GPM6B: variants seen among roughly 807,000 people sequenced by gnomAD.
GPM6B encodes the protein glycoprotein M6B.
In GPM6B, 4 loss-of-function variants were observed where a neutral mutation model predicts 27.2. The observed-to-expected ratio is 0.15, with a 90% CI of 0.07 to 0.34. The LOEUF (loss-of-function observed/expected upper bound fraction) is 0.34, where lower values mean the gene tolerates loss of function less well. Ranked by LOEUF, GPM6B falls within the 10% of genes least tolerant of loss-of-function variation. The pLI, the probability that GPM6B is intolerant of heterozygous loss-of-function variation, is 1.00. For missense variants in GPM6B, 183 were observed against 261.9 expected (o/e 0.70, Z 2.08); for synonymous variants, 124 against 103.1 (o/e 1.20, Z -1.23).
intron 1 of GPM6B, among the ~76,000 whole-genome samples, chrX:13,829,849 T>C (rs1274252227): frequency 2.0e-5 from 2 of 101,939 alleles, no homozygotes; most frequent in Admixed American, 1.1e-4. Flanking sequence ...CCAAATTAAA[T>C]CTGTCCTGAA....
chrX:13,776,339 TG>T, intron 6 of GPM6B, 36 bp from the exon 7 acceptor site: 1 of 1,103,721 alleles, frequency 9.1e-7, no homozygotes, highest in Admixed American at 2.2e-5. Flanking sequence ...AAGCATTTGA[TG>T]TTAAATGAAA....
intron 1 of GPM6B, among the ~76,000 whole-genome samples, chrX:13,866,295 G>A (rs184963854): frequency 1.2e-4 from 14 of 112,262 alleles, no homozygotes; most frequent in African/African-American, 2.6e-4. Context: ...CCTGGGAGGC[G>A]GAGGTTGCGG....
intron 1 of GPM6B, among the ~76,000 whole-genome samples, chrX:13,842,811 C>T (rs1268818910): frequency 1.8e-5 from 2 of 111,670 alleles, no homozygotes; most frequent in African/African-American, 6.5e-5. Flanking sequence ...GCATATTTCC[C>T]AGATTAAAAT....
chrX:13,817,906 T>C (rs918378136), upstream of GPM6B, among the ~76,000 whole-genome samples: 2 of 112,338 alleles, frequency 1.8e-5, no homozygotes, highest in African/African-American at 6.5e-5. Flanking sequence ...TGGTAGTTTC[T>C]TGGAATGAAA....
intron 1 of GPM6B, among the ~76,000 whole-genome samples, chrX:13,826,699 C>T (rs1344755707): frequency 9.0e-6 from 1 of 110,899 alleles, no homozygotes; most frequent in Non-Finnish European, 1.9e-5. Context: ...GATCACACTA[C>T]TGCACTCCAG....
intron 1 of GPM6B, among the ~76,000 whole-genome samples, chrX:13,822,388 C>CA (rs1569236467): frequency 1.7e-4 from 18 of 108,471 alleles, no homozygotes; most frequent in Non-Finnish European, 3.3e-4. Flanking sequence ...TTTTCTGAGA[C>CA]GGAGTCTCGC....
At chrX:13,880,221 T>C (rs2050080572) in intron 1 of GPM6B, among the ~76,000 whole-genome samples, 1 of 111,519 alleles carries the variant, frequency 9.0e-6, no homozygotes, top group Non-Finnish European at 1.9e-5. Context: ...ATGATCTCTT[T>C]CACAACACAA....
intron 2 of GPM6B, among the ~76,000 whole-genome samples, chrX:13,804,440 A>T (rs1349954391): frequency 9.6e-6 from 1 of 104,015 alleles, no homozygotes; most frequent in Non-Finnish European, 2.0e-5. Flanking sequence ...GGGCGGGGGT[A>T]GCCCATGTGG....
At chrX:13,935,429 C>A (rs907764168) in intron 1 of GPM6B, among the ~76,000 whole-genome samples, 1 of 109,918 alleles carries the variant, frequency 9.1e-6, no homozygotes, top group Non-Finnish European at 1.9e-5. Context: ...GGTGGGACGA[C>A]TGCTTCAGCC....
chrX:13,901,247 A>T (rs1383000214), intron 1 of GPM6B, among the ~76,000 whole-genome samples: 1 of 111,323 alleles, frequency 9.0e-6, no homozygotes, highest in Admixed American at 9.6e-5. Context: ...AGCTAAAAAA[A>T]TGCAGAGAAA....
At chrX:13,890,638 C>A (rs775292387) in intron 1 of GPM6B, among the ~76,000 whole-genome samples, 1 of 111,157 alleles carries the variant, frequency 9.0e-6, no homozygotes, top group Non-Finnish European at 1.9e-5. Flanking sequence ...ACTTGGGGCC[C>A]TTTCATTCTT....
intron 1 of GPM6B, among the ~76,000 whole-genome samples, chrX:13,843,564 G>A (rs1462425075): frequency 1.8e-5 from 2 of 112,243 alleles, no homozygotes; most frequent in Non-Finnish European, 3.8e-5. Context: ...CCCACTAGTA[G>A]CATGTGAGGG....
intron 1 of GPM6B, among the ~76,000 whole-genome samples, chrX:13,860,420 A>G (rs1281669858): frequency 9.5e-6 from 1 of 105,262 alleles, no homozygotes; most frequent in Non-Finnish European, 1.9e-5. Context: ...AGCAGTCACT[A>G]CAATCCCAAA....
intron 2 of GPM6B, among the ~76,000 whole-genome samples, chrX:13,806,393 C>T (rs2052153526): frequency 1.8e-5 from 2 of 111,910 alleles, no homozygotes; most frequent in South Asian, 7.4e-4. Flanking sequence ...GGATATATCA[C>T]GTCTAATGAC....
chrX:13,791,601 A>G (rs1346743896), intron 2 of GPM6B, among the ~76,000 whole-genome samples: 1 of 111,673 alleles, frequency 9.0e-6, no homozygotes, highest in African/African-American at 3.3e-5. Flanking sequence ...CAGTTTAAAT[A>G]TAAGCCATGT....
chrX:13,822,914 C>T (rs749692953), intron 1 of GPM6B, among the ~76,000 whole-genome samples: 1 of 112,104 alleles, frequency 8.9e-6, no homozygotes, highest in African/African-American at 3.2e-5. Flanking sequence ...GGACACATAG[C>T]ATGGAGCCAG....
At chrX:13,927,956 T>C (rs1921293212) in intron 1 of GPM6B, among the ~76,000 whole-genome samples, 1 of 112,193 alleles carries the variant, frequency 8.9e-6, no homozygotes, top group African/African-American at 3.2e-5. Flanking sequence ...TAGGAACCAA[T>C]GATATGTGTA....
intron 1 of GPM6B, among the ~76,000 whole-genome samples, chrX:13,872,163 CTTTT>C (rs72226692): frequency 2.7e-4 from 7 of 25,830 alleles, no homozygotes; most frequent in Admixed American, 6.8e-4. Context: ...TGTGACATCA[CTTTT>C]TTTTTTTTTT....
chrX:13,840,182 T>TA (rs769188116), intron 1 of GPM6B, among the ~76,000 whole-genome samples: 1 of 112,306 alleles, frequency 8.9e-6, no homozygotes, highest in African/African-American at 3.2e-5. Context: ...ATATTTCATT[T>TA]AGCTAAGGAA....
Sources: allele counts gnomAD v4.1 joint callset (sites outside exome capture counted in the v4.1 genomes callset), GRCh38; gene constraint gnomAD v4.1.1; transcripts MANE v1.5; gene names NCBI Gene and HGNC (gene_info 2026-07-23, HGNC 2026-07-21).